PALD1: variants seen among roughly 807,000 people sequenced by gnomAD.
PALD1 encodes the protein paladin.
Under a neutral mutation model 96.0 loss-of-function variants are expected in PALD1, and 57 were observed. The observed-to-expected ratio is 0.59, with a 90% confidence interval of 0.48 to 0.74. The LOEUF (loss-of-function observed/expected upper bound fraction) is 0.74. PALD1 is among the 30% of genes least tolerant of loss of function. The probability of loss-of-function intolerance (pLI) is 0.00; values close to 1 mark genes in which losing one functional copy is unlikely to be tolerated. For synonymous variants in PALD1, 464 were observed against 473.6 expected (o/e 0.98, Z 0.26); for missense variants, 1,063 against 1,143.7 (o/e 0.93, Z 1.02).
chr10:70,534,818 G>T lies in PALD1; in HGVS notation c.1202G>T (p.Gly401Val). Residue 401 changes from glycine (G) to valine (V), a missense_variant, in exon 10 of 20, where the codon GGT becomes GTT. Coordinates refer to ENST00000263563, the MANE Select transcript of PALD1 (RefSeq NM_014431.3). ...TTGGAAAACCAGAAGAAGTTAGAAGGTATCCGACCGGAGAGCCCAGCCCAG... is the reference window on the plus strand; with the variant it reads ...TTGGAAAACCAGAAGAAGTTAGAAGTTATCCGACCGGAGAGCCCAGCCCAG... ...VVLENQKKLE[G>V]IRPESPAQGS... 6.2e-7 allele frequency: 1 copy of T among 1,611,968 alleles called. No individual in the cohort carries two copies. Among genetic ancestry groups the T allele is most frequent in the Non-Finnish European group, 8.5e-7 (1 of 1,178,862 alleles).
chr10:70,508,818 T>TGTGC (rs1470506889), intron 1 of PALD1, among the ~76,000 whole-genome samples: 1 of 117,082 alleles, frequency 8.5e-6, no homozygotes, highest in Middle Eastern at 4.1e-3. Flanking sequence ...TGTGTGTGTG[T>TGTGC]GCAGGCCTGT....
intron 10 of PALD1, among the ~76,000 whole-genome samples, chr10:70,535,539 T>C (rs796455425): frequency 3.3e-4 from 42 of 128,464 alleles, no homozygotes; most frequent in African/African-American, 1.3e-3. Context: ...CCTCCTCTTC[T>C]TTCCTCCTCC....
rs546346987 is a variant in PALD1 at position 70,540,834 on chromosome 10, T to C, written c.1909-268T>C. ...CATGTCCTGCCTGATGGAGGGTGGG[T>C]ACCTTGAGCCCCAGGTGCATGCTGT... On this transcript the variant is annotated intron_variant, in intron 15 of 19. Transcript: ENST00000263563. The surrounding 1 kb of genome is among the most constrained non-coding windows in gnomAD (Gnocchi z 4.2). 1.2e-4 allele frequency among the ~76,000 whole-genome samples: 18 copies of C among 152,246 alleles called. No homozygotes were observed. The highest frequency in any genetic ancestry group is 4.1e-4 in the African/African-American group (17 of 41,526).
intron 8 of PALD1, 88 bp downstream of exon 8, chr10:70,534,161 C>A: frequency 2.2e-6 from 3 of 1,383,378 alleles, no homozygotes. Flanking sequence ...TGTCTAGGAG[C>A]CCAGAGCCAG....
the PALD1 span, among the ~76,000 whole-genome samples, chr10:70,464,297 T>C: frequency 4.6e-3 from 683 of 149,134 alleles, 5 homozygotes; most frequent in African/African-American, 0.016. Flanking sequence ...CTGCAACCTC[T>C]ACCTCCCGGG....
intron 1 of PALD1, among the ~76,000 whole-genome samples, chr10:70,502,333 T>C (rs555368292): frequency 5.3e-5 from 8 of 152,324 alleles, no homozygotes; most frequent in African/African-American, 1.9e-4. Flanking sequence ...CTCCATCCAT[T>C]TTGATGGCCT....
At position 70,539,800 on chromosome 10, in the gene PALD1, A is replaced by T. The variant is rs1322176862; in HGVS notation, c.1908+38A>T. The T allele has an allele frequency of 6.5e-7, 1 of 1,538,224 alleles. No homozygotes were observed. The highest frequency in any genetic ancestry group is 1.4e-5 in the African/African-American group (1 of 70,780). On this transcript the variant is annotated intron_variant, in intron 15 of 19. Transcript: ENST00000263563. The surrounding 1 kb of genome is among the most constrained non-coding windows in gnomAD (Gnocchi z 4.5). ...CTCAGGCTGAGGCCTCTGGGGAGGG[A>T]CAGGAGGCCTCCCTGTCTCCCCTCT... is the stretch of plus-strand genomic sequence containing the variant.
At position 70,539,472 on chromosome 10, in the gene PALD1, A is replaced by G; in HGVS notation, c.1726-108A>G. On this transcript the variant is annotated intron_variant, in intron 14 of 19. Transcript: ENST00000263563. This position sits in a 1 kb window ranked among gnomAD's most constrained non-coding sequence, Gnocchi z 4.5. ...CCCCTGAGGCTTGGGGGGGTCAGGG[A>G]TGGGACTGGAAGCCAGGGCCAGGCC... 8.8e-7 allele frequency: 1 copy of G among 1,138,730 alleles called. No individual in the cohort carries two copies. The highest frequency in any genetic ancestry group is 1.2e-6 in the Non-Finnish European group (1 of 822,476). 70.5% of individuals were successfully genotyped at this position (1,138,730 alleles called of 1,614,324 possible). A position where few individuals can be genotyped will look rare whatever the true frequency, so the allele number is the denominator to read the frequency against.
intron 1 of PALD1, among the ~76,000 whole-genome samples, chr10:70,522,713 G>A: frequency 6.6e-6 from 1 of 152,174 alleles, no homozygotes; most frequent in East Asian, 1.9e-4. Context: ...CCCTAGCAGA[G>A]GTTTGAGCAC....
chr10:70,478,145 CT>C (rs967410653), upstream of PALD1, among the ~76,000 whole-genome samples: 5 of 152,166 alleles, frequency 3.3e-5, no homozygotes, highest in African/African-American at 1.2e-4. Flanking sequence ...TGCTGTTCCC[CT>C]CTCACCTCTG....
intron 1 of PALD1, among the ~76,000 whole-genome samples, chr10:70,520,376 C>T (rs1740492176): frequency 6.6e-6 from 1 of 152,306 alleles, no homozygotes; most frequent in South Asian, 2.1e-4. Context: ...GTTCATTTCC[C>T]CCAGAACCAT....
intron 7 of PALD1, 27 bp from the exon 8 acceptor site, chr10:70,533,895 G>A: frequency 6.5e-7 from 1 of 1,542,920 alleles, no homozygotes; most frequent in Non-Finnish European, 8.8e-7. Context: ...GGTCTCACTG[G>A]GGCCTGATCC....
intron 7 of PALD1, 45 bp downstream of exon 7, chr10:70,533,115 G>C (rs781046959): frequency 3.4e-6 from 5 of 1,487,280 alleles, no homozygotes; most frequent in African/African-American, 1.4e-5. Context: ...CTTGAGAGTC[G>C]TCCCCATGGA....
At chr10:70,464,991 T>A in the PALD1 span, among the ~76,000 whole-genome samples, 1 of 140,496 alleles carries the variant, frequency 7.1e-6, no homozygotes, top group Non-Finnish European at 1.5e-5. Context: ...GTATGTATGT[T>A]TGAGATGGAG....
At chr10:70,522,860 CCTCA>C (rs1846767384) in intron 1 of PALD1, among the ~76,000 whole-genome samples, 1 of 152,170 alleles carries the variant, frequency 6.6e-6, no homozygotes, top group African/African-American at 2.4e-5. Context: ...CCATCCCAAC[CCTCA>C]CTATCATTTT....
intron 18 of PALD1, among the ~76,000 whole-genome samples, chr10:70,548,139 C>G (rs1187463567): frequency 6.6e-6 from 1 of 152,066 alleles, no homozygotes; most frequent in Non-Finnish European, 1.5e-5. Flanking sequence ...AACTCCATCT[C>G]TACTGAAATA....
chr10:70,529,223 C>CG lies in PALD1; in HGVS notation c.186-6_186-5insG, dbSNP rs774799056. Reference sequence around the variant, plus strand: ...TTTCCATTCTGCCCCCCCCCCCCCCCCCCAGGTACAACTGCAAGGAGGAGT... The same window carrying CG: ...TTTCCATTCTGCCCCCCCCCCCCCCCGCCCAGGTACAACTGCAAGGAGGAGT... On this transcript the variant is annotated splice_region_variant and splice_polypyrimidine_tract_variant and intron_variant, in intron 2 of 19. Coordinates refer to ENST00000263563, the MANE Select transcript of PALD1 (RefSeq NM_014431.3). 2 of 338,482 alleles carry CG rather than the reference C, an allele frequency of 5.9e-6. No homozygotes were observed. The highest frequency in any genetic ancestry group is 3.5e-5 in the African/African-American group (1 of 28,616). 21.0% of individuals were successfully genotyped at this position (338,482 alleles called of 1,614,324 possible). A position where few individuals can be genotyped will look rare whatever the true frequency, so the allele number is the denominator to read the frequency against.
intron 18 of PALD1, among the ~76,000 whole-genome samples, chr10:70,557,370 C>T (rs1847632262): frequency 6.6e-6 from 1 of 152,084 alleles, no homozygotes. Flanking sequence ...TCTTGAGGAA[C>T]GAGACTGTGT....
the PALD1 span, among the ~76,000 whole-genome samples, chr10:70,471,508 G>A: frequency 3.3e-5 from 5 of 152,182 alleles, no homozygotes; most frequent in African/African-American, 1.2e-4. Context: ...ACTCTAGCAA[G>A]CATTTTTTCT....
Sources: allele counts gnomAD v4.1 joint callset (sites outside exome capture counted in the v4.1 genomes callset), GRCh38; gene constraint gnomAD v4.1.1; non-coding constraint Gnocchi (gnomAD v3.1); transcripts MANE v1.5; gene names NCBI Gene and HGNC (gene_info 2026-07-23, HGNC 2026-07-21).